The following SMPD3 variants were observed in gnomAD, a reference collection of about 807,000 sequenced individuals.
SMPD3 encodes the protein sphingomyelin phosphodiesterase 3, also known as nSMase-2.
Under a neutral mutation model 55.7 loss-of-function variants are expected in SMPD3, and 21 were observed. That is an observed-to-expected ratio of 0.38 (90% CI 0.27 to 0.54). SMPD3 has a LOEUF of 0.54. Among genes scored for constraint, SMPD3 ranks in the 20% least tolerant of loss-of-function variants. The pLI, the probability that SMPD3 is intolerant of heterozygous loss-of-function variation, is 0.80. For synonymous variants in SMPD3, 457 were observed against 404.3 expected, an observed-to-expected ratio of 1.13 and a Z score of -1.56; for missense variants, 842 against 899.6, an observed-to-expected ratio of 0.94 and a Z score of 0.82.
At chr16:68,417,389 T>TAGCC (rs2090348033) in intron 1 of SMPD3, among the ~76,000 whole-genome samples, 1 of 152,200 alleles carries the variant, frequency 6.6e-6, no homozygotes. Flanking sequence ...GGTTGATTGA[T>TAGCC]AGCCTCTTAC....
rs147862396 is a variant in SMPD3, at chr16:68,371,404, C to T, written c.778G>A (p.Asp260Asn). ...EEGGRPPEADDPVPGGQARNG... is the reference protein window; with the variant it reads ...EEGGRPPEADNPVPGGQARNG... The stretch of plus-strand genomic sequence containing the variant: ...CTGGCCTGGCCCCCAGGCACAGGGT[C>T]GTCAGCTTCAGGTGGCCGGCCGCCC... Residue 260 changes from aspartate (D) to asparagine (N), a missense_variant, in exon 3 of 9, where the codon GAC (aspartate) becomes AAC (asparagine). Asp to Asn is a conservative substitution (Grantham distance 23, BLOSUM62 1). Around this residue, in one of 2 missense-constraint regions of SMPD3, gnomAD observed 649 missense variants for 643.6 expected, o/e 1.01. Coordinates refer to ENST00000219334, the MANE Select transcript of SMPD3 (RefSeq NM_018667.4). The T allele has an allele frequency of 1.0e-4, 158 of 1,568,552 alleles. 1 individual carries two copies. The highest frequency in any genetic ancestry group is 8.4e-4 in the South Asian group (72 of 86,154).
chr16:68,364,024 C>T (rs1309869293), intron 5 of SMPD3, among the ~76,000 whole-genome samples, 158 bp from the exon 6 acceptor site: 4 of 151,950 alleles, frequency 2.6e-5, no homozygotes, highest in African/African-American at 7.3e-5. Context: ...TCAGGTGCCC[C>T]GTGCTTCATT....
At chr16:68,406,168 C>T (rs577460772) in intron 1 of SMPD3, among the ~76,000 whole-genome samples, 4 of 152,166 alleles carry the variant, frequency 2.6e-5, no homozygotes, top group East Asian at 1.9e-4. Flanking sequence ...AACAATGAGG[C>T]GTAAACCAGA....
chr16:68,367,892 G>C (rs1175260819), intron 3 of SMPD3: 1 of 152,226 alleles, frequency 6.6e-6, no homozygotes. Flanking sequence ...TTGTAGGTGA[G>C]GAAAAAGGGA....
intron 1 of SMPD3, among the ~76,000 whole-genome samples, chr16:68,416,783 C>G (rs1019118799): frequency 6.6e-6 from 1 of 152,044 alleles, no homozygotes; most frequent in Non-Finnish European, 1.5e-5. Context: ...TCCGGTGGGT[C>G]AGAGCACAGG....
At chr16:68,430,730 C>A (rs943429640) in intron 1 of SMPD3, among the ~76,000 whole-genome samples, 7 of 152,188 alleles carry the variant, frequency 4.6e-5, no homozygotes, top group Non-Finnish European at 1.0e-4. Flanking sequence ...CCTCTCACAG[C>A]AAGAAATACT....
intron 1 of SMPD3, among the ~76,000 whole-genome samples, chr16:68,399,695 A>G (rs963935587): frequency 6.6e-6 from 1 of 152,200 alleles, no homozygotes; most frequent in African/African-American, 2.4e-5. Flanking sequence ...TTCTTCCTGG[A>G]TGACTTGGAA....
intron 1 of SMPD3, among the ~76,000 whole-genome samples, chr16:68,391,980 C>T (rs1199477548): frequency 1.3e-5 from 2 of 151,998 alleles, no homozygotes; most frequent in Admixed American, 6.6e-5. Context: ...CAACCTCCAC[C>T]TCCCAGGTTC....
At position 68,404,950 on chromosome 16, in the gene SMPD3, G is replaced by A. The variant is rs534815362; in HGVS notation, c.-268-18291C>T. 1.3e-5 allele frequency among the ~76,000 whole-genome samples: 2 copies of A among 152,196 alleles called. No homozygotes were observed. The highest frequency in any genetic ancestry group is 6.5e-5 in the Admixed American group (1 of 15,274). On this transcript the variant is annotated intron_variant, in intron 1 of 8. Coordinates refer to ENST00000219334, the MANE Select transcript of SMPD3 (RefSeq NM_018667.4). This position sits in a 1 kb window ranked among gnomAD's most constrained non-coding sequence, Gnocchi z 4.0. ...ACTTGCCAGGCCCTGTGGGCCAAGC[G>A]GATGTAGGACCTGGCTCTTATCCGG... is the stretch of plus-strand genomic sequence containing the variant.
chr16:68,397,924 T>G (rs976753633), intron 1 of SMPD3, among the ~76,000 whole-genome samples: 2 of 152,162 alleles, frequency 1.3e-5, no homozygotes, highest in Non-Finnish European at 2.9e-5. Context: ...CAAACAGTCT[T>G]GGCCACCTGC....
chr16:68,370,502 C>T (rs528187031), intron 3 of SMPD3, among the ~76,000 whole-genome samples: 33 of 152,308 alleles, frequency 2.2e-4, no homozygotes, highest in African/African-American at 6.7e-4. Flanking sequence ...CGGCTACCAC[C>T]GCCACTCTTG....
intron 1 of SMPD3, among the ~76,000 whole-genome samples, chr16:68,428,067 C>T (rs887308591): frequency 3.9e-5 from 6 of 152,166 alleles, no homozygotes; most frequent in Non-Finnish European, 1.5e-5. Context: ...CTATGTCCAC[C>T]TTCATCCACA....
At chr16:68,439,559 C>T (rs1303939) in intron 1 of SMPD3, among the ~76,000 whole-genome samples, 114,129 of 152,176 alleles carry the variant, frequency 0.75, 43,323 homozygotes, top group East Asian at 0.88. Context: ...TCAATTCACC[C>T]GCTATGCTTT....
intron 1 of SMPD3, among the ~76,000 whole-genome samples, chr16:68,414,951 G>T (rs1466454279): frequency 6.6e-6 from 1 of 152,140 alleles, no homozygotes; most frequent in East Asian, 1.9e-4. Context: ...GGTCTTTCAG[G>T]CCTCTGACCT....
chr16:68,409,350 G>A, intron 1 of SMPD3, among the ~76,000 whole-genome samples: 1 of 152,170 alleles, frequency 6.6e-6, no homozygotes, highest in Non-Finnish European at 1.5e-5. Flanking sequence ...CTGTGGTCAT[G>A]GCAGAGCAGT....
intron 1 of SMPD3, among the ~76,000 whole-genome samples, chr16:68,431,090 G>A (rs1468623671): frequency 1.3e-5 from 2 of 152,174 alleles, no homozygotes; most frequent in African/African-American, 4.8e-5. Context: ...CATACCAGTG[G>A]GAGGACAGGG....
chr16:68,411,276 C>A (rs1567803835), intron 1 of SMPD3, among the ~76,000 whole-genome samples: 1 of 152,240 alleles, frequency 6.6e-6, no homozygotes, highest in Non-Finnish European at 1.5e-5. Flanking sequence ...ACTCCTTGGG[C>A]ACTTGGCACT....
At chr16:68,443,043 G>A (rs1249039477) in intron 1 of SMPD3, among the ~76,000 whole-genome samples, 2 of 152,156 alleles carry the variant, frequency 1.3e-5, no homozygotes, top group African/African-American at 2.4e-5. Flanking sequence ...GAGGCCCAGG[G>A]AGAGGAGAAA....
chr16:68,364,332 C>CT lies in SMPD3; in HGVS notation c.1555+418dup, dbSNP rs2089410343. 3.1e-5 allele frequency: 7 copies of CT among 226,210 alleles called. No homozygotes were observed. In the South Asian group the frequency reaches 3.5e-4, roughly 11 times the overall value. The allele number at this position is 226,210 out of a possible 1,614,324, so 14.0% of individuals were successfully genotyped here. A position where few individuals can be genotyped will look rare whatever the true frequency, so the allele number is the denominator to read the frequency against. On this transcript the variant is annotated intron_variant, in intron 5 of 8. Coordinates refer to ENST00000219334, the MANE Select transcript of SMPD3 (RefSeq NM_018667.4). Reference sequence around the variant, plus strand: ...ACCTTGGGCTGGTTCTCCAGCCTCTCTGAGTCTCAGCTTCCTCCACCACAC... The same window carrying CT: ...ACCTTGGGCTGGTTCTCCAGCCTCTCTTGAGTCTCAGCTTCCTCCACCACAC...
Sources: allele counts gnomAD v4.1 joint callset (sites outside exome capture counted in the v4.1 genomes callset), GRCh38; gene constraint gnomAD v4.1.1; regional missense constraint gnomAD v4.1.1; non-coding constraint Gnocchi (gnomAD v3.1); transcripts MANE v1.5; gene names NCBI Gene and HGNC (gene_info 2026-07-23, HGNC 2026-07-21).